Variants in CADPS2 observed in about 807,000 individuals in gnomAD.
The protein encoded by CADPS2 is calcium dependent secretion activator 2, also known as calcium-dependent secretion activator 2.
In CADPS2, 93 loss-of-function variants were observed where a neutral mutation model predicts 172.5. The observed-to-expected ratio is 0.54, with a 90% CI of 0.46 to 0.64. The LOEUF is 0.64. Among genes scored for constraint, CADPS2 ranks in the 30% least tolerant of loss-of-function variants. The pLI is 0.00. For synonymous variants in CADPS2, 546 were observed against 555.2 expected (o/e 0.98, Z 0.23); for missense variants, 1,420 against 1,565.9 (o/e 0.91, Z 1.57).
At chr7:122,685,440 G>C (rs975645257) in intron 2 of CADPS2, among the ~76,000 whole-genome samples, 5 of 152,188 alleles carry the variant, frequency 3.3e-5, no homozygotes, top group Admixed American at 3.3e-4. Flanking sequence ...CTGTCTTGCA[G>C]GTTAAACGTT....
At chr7:122,604,544 T>C (rs980376638) in intron 6 of CADPS2, among the ~76,000 whole-genome samples, 1 of 152,078 alleles carries the variant, frequency 6.6e-6, no homozygotes, top group African/African-American at 2.4e-5. Flanking sequence ...CTGTATGGGT[T>C]CAAAAGTTTG....
intron 25 of CADPS2, among the ~76,000 whole-genome samples, chr7:122,362,234 A>G (rs759028040): frequency 6.6e-6 from 1 of 152,196 alleles, no homozygotes; most frequent in Non-Finnish European, 1.5e-5. Flanking sequence ...TGGCACATAT[A>G]AGGATCATCC....
At chr7:122,697,692 G>A (rs1416783521) in intron 2 of CADPS2, 3 of 913,362 alleles carry the variant, frequency 3.3e-6, no homozygotes, top group Non-Finnish European at 4.8e-6. Flanking sequence ...AACAAAAAAG[G>A]ACACAAAAAC....
At chr7:122,352,877 TC>T (rs1003056290) in intron 27 of CADPS2, among the ~76,000 whole-genome samples, 4 of 152,232 alleles carry the variant, frequency 2.6e-5, no homozygotes, top group African/African-American at 9.6e-5. Flanking sequence ...TATTGTTCAC[TC>T]TGTGGAAGGC....
intron 1 of CADPS2, among the ~76,000 whole-genome samples, chr7:122,770,553 A>T (rs1221456344): frequency 6.6e-6 from 1 of 152,198 alleles, no homozygotes; most frequent in Non-Finnish European, 1.5e-5. Context: ...TGGGAGAATA[A>T]GATACTTTTG....
chr7:122,383,910 C>T (rs1257895811), intron 24 of CADPS2, among the ~76,000 whole-genome samples: 1 of 152,102 alleles, frequency 6.6e-6, no homozygotes, highest in Non-Finnish European at 1.5e-5. Context: ...GCCCCTTGCT[C>T]CCCCGAATTG....
At position 122,418,843 on chromosome 7, in the gene CADPS2, A is replaced by G. The variant is rs532201345; in HGVS notation, c.2477-2679T>C. On this transcript the variant is annotated intron_variant, in intron 17 of 29. Transcript: ENST00000449022. ...ATTTTAGCACTAACTACATTGCCACATAAGTGTGATTTAAAATAAGTTAAA... is the reference window on the plus strand; with the variant it reads ...ATTTTAGCACTAACTACATTGCCACGTAAGTGTGATTTAAAATAAGTTAAA... Among the ~76,000 whole-genome samples the G allele has an allele frequency of 5.9e-5, 9 of 152,338 alleles. 1 individual carries two copies. The South Asian group carries it at 1.2e-3, about 21-fold the overall frequency.
At chr7:122,846,648 C>T (rs1046457378) in intron 1 of CADPS2, among the ~76,000 whole-genome samples, 2 of 152,150 alleles carry the variant, frequency 1.3e-5, no homozygotes, top group African/African-American at 4.8e-5. Flanking sequence ...AAGGAAGAGG[C>T]TGCCCAGTTA....
At chr7:122,522,488 T>C (rs547676588) in intron 8 of CADPS2, among the ~76,000 whole-genome samples, 4 of 152,300 alleles carry the variant, frequency 2.6e-5, no homozygotes, top group Admixed American at 2.0e-4. Context: ...TTTTGATACA[T>C]GCATAAAATG....
intron 9 of CADPS2, among the ~76,000 whole-genome samples, chr7:122,494,428 TAA>T (rs895506151): frequency 3.2e-4 from 48 of 152,202 alleles, no homozygotes; most frequent in Admixed American, 3.0e-3. Flanking sequence ...TATGAGACAT[TAA>T]AAGAGACGTG....
At chr7:122,679,526 C>A (rs527448612) in intron 2 of CADPS2, among the ~76,000 whole-genome samples, 1 of 152,224 alleles carries the variant, frequency 6.6e-6, no homozygotes, top group African/African-American at 2.4e-5. Flanking sequence ...CTCGCCCTAA[C>A]CTTGTGATCT....
intron 27 of CADPS2, among the ~76,000 whole-genome samples, chr7:122,348,729 A>G (rs1031929183): frequency 6.6e-6 from 1 of 152,182 alleles, no homozygotes; most frequent in African/African-American, 2.4e-5. Context: ...ATAATCATTA[A>G]AAGAATATAC....
At chr7:122,849,714 TA>T in intron 1 of CADPS2, 1 of 356,284 alleles carries the variant, frequency 2.8e-6, no homozygotes, top group Non-Finnish European at 5.5e-6. Context: ...GCTTTCAATT[TA>T]AAAAGCCAAT....
At chr7:122,700,601 T>C (rs942436109) in intron 2 of CADPS2, among the ~76,000 whole-genome samples, 2 of 152,144 alleles carry the variant, frequency 1.3e-5, no homozygotes, top group Non-Finnish European at 2.9e-5. Flanking sequence ...CATTGTTATA[T>C]AGGTGTTTAT....
At chr7:122,790,897 A>C (rs1285236342) in intron 1 of CADPS2, among the ~76,000 whole-genome samples, 3 of 152,224 alleles carry the variant, frequency 2.0e-5, no homozygotes, top group African/African-American at 7.2e-5. Context: ...CCACGTCTCA[A>C]CACTAATGGA....
chr7:122,454,220 G>A (rs969469907), intron 14 of CADPS2, among the ~76,000 whole-genome samples: 3 of 152,048 alleles, frequency 2.0e-5, no homozygotes, highest in East Asian at 1.9e-4. Flanking sequence ...TTTTAAATAC[G>A]TGTCTGGTAT....
chr7:122,849,792 C>T (rs1813028502), intron 1 of CADPS2: 2 of 508,166 alleles, frequency 3.9e-6, no homozygotes, highest in Admixed American at 2.4e-5. Flanking sequence ...CCCCAGCCCT[C>T]TCCCTTTACA....
At chr7:122,885,209 A>C (rs1040743244) in intron 1 of CADPS2, among the ~76,000 whole-genome samples, 1 of 152,132 alleles carries the variant, frequency 6.6e-6, no homozygotes, top group Admixed American at 6.5e-5. Context: ...TTGTTTTGAA[A>C]CTCAAGTTGG....
chr7:122,323,342 AAT>A (rs1047324076), intron 29 of CADPS2, among the ~76,000 whole-genome samples: 2 of 152,162 alleles, frequency 1.3e-5, no homozygotes, highest in African/African-American at 4.8e-5. Context: ...TTATTGGTCA[AAT>A]ATTGATCATT....
Sources: allele counts gnomAD v4.1 joint callset (sites outside exome capture counted in the v4.1 genomes callset), GRCh38; gene constraint gnomAD v4.1.1; transcripts MANE v1.5; gene names NCBI Gene and HGNC (gene_info 2026-07-23, HGNC 2026-07-21).